The following SPAG9 variants were observed in gnomAD, a reference collection of about 807,000 sequenced individuals.
SPAG9 encodes C-Jun-amino-terminal kinase-interacting protein 4.
A neutral mutation model predicts 166.5 loss-of-function variants in SPAG9; 35 were observed. The observed-to-expected ratio is 0.21, with a 90% confidence interval of 0.16 to 0.28. The LOEUF (loss-of-function observed/expected upper bound fraction) is 0.28, where lower values mean the gene tolerates loss of function less well. Ranked by LOEUF, SPAG9 falls within the 10% of genes least tolerant of loss-of-function variation. SPAG9 has a pLI of 1.00. For missense variants in SPAG9, 1,235 were observed against 1,603.3 expected, an observed-to-expected ratio of 0.77 and a Z score of 3.92; for synonymous variants, 534 against 565.5, an observed-to-expected ratio of 0.94 and a Z score of 0.79.
intron 2 of SPAG9, among the ~76,000 whole-genome samples, chr17:51,061,612 C>CAAAAAAAAAAAAAA (rs34010166): frequency 3.2e-5 from 1 of 31,726 alleles, no homozygotes; most frequent in African/African-American, 1.0e-4. Context: ...GCTCTGTCTC[C>CAAAAAAAAAAAAAA]AAAAAAAAAA....
At chr17:50,999,837 C>A in intron 13 of SPAG9, 120 bp from the exon 14 acceptor site, 1 of 719,068 alleles carries the variant, frequency 1.4e-6, no homozygotes, top group Non-Finnish European at 2.3e-6. Context: ...CAATTAAGTT[C>A]AATAAATACT....
chr17:51,103,854 C>G (rs1366987506), intron 1 of SPAG9, among the ~76,000 whole-genome samples: 7 of 152,148 alleles, frequency 4.6e-5, no homozygotes. Flanking sequence ...GTCCATTCAT[C>G]TATTCAGAAA....
chr17:51,058,981 A>C lies in SPAG9; in HGVS notation c.425-2499T>G, dbSNP rs535346913. Among the ~76,000 whole-genome samples the C allele has an allele frequency of 3.3e-5, 5 of 152,366 alleles. No homozygotes were observed. In the South Asian group the frequency reaches 1.0e-3, roughly 32 times the overall value. On this transcript the variant is annotated intron_variant, in intron 2 of 29. Coordinates refer to ENST00000262013, the MANE Select transcript of SPAG9 (RefSeq NM_001130528.3). ...AAGGTATTTAAAACAATGTTCAAAG[A>C]AGCACAATCTGAAAACAATCCAACT...
At chr17:51,115,578 C>T (rs996291472) in intron 1 of SPAG9, among the ~76,000 whole-genome samples, 1 of 152,036 alleles carries the variant, frequency 6.6e-6, no homozygotes, top group Admixed American at 6.6e-5. Context: ...CAGTGGCAAT[C>T]CCAGCACTTT....
intron 27 of SPAG9, chr17:50,975,155 G>A (rs1468315472): frequency 2.0e-6 from 1 of 488,730 alleles, no homozygotes; most frequent in Non-Finnish European, 3.5e-6. Flanking sequence ...ATGGAGTAGG[G>A]GATTTTGCCA....
intron 29 of SPAG9, among the ~76,000 whole-genome samples, chr17:50,968,880 T>C (rs1161285005): frequency 6.6e-6 from 1 of 152,180 alleles, no homozygotes; most frequent in Non-Finnish European, 1.5e-5. Flanking sequence ...TAAGCTCTAA[T>C]GATCTTTAAA....
chr17:51,105,623 C>A (rs1267456381), intron 1 of SPAG9, among the ~76,000 whole-genome samples: 1 of 152,076 alleles, frequency 6.6e-6, no homozygotes, highest in East Asian at 1.9e-4. Flanking sequence ...GTAATCCCAG[C>A]ACTTTGGGAG....
At chr17:50,980,699 C>A (rs985437324) in intron 25 of SPAG9, among the ~76,000 whole-genome samples, 2 of 151,942 alleles carry the variant, frequency 1.3e-5, no homozygotes, top group African/African-American at 4.8e-5. Flanking sequence ...GACATCCCAA[C>A]TCTAAATACA....
intron 13 of SPAG9, among the ~76,000 whole-genome samples, chr17:51,001,209 GA>G (rs1340384002): frequency 6.6e-6 from 1 of 152,154 alleles, no homozygotes; most frequent in African/African-American, 2.4e-5. Context: ...CTAAATTAAA[GA>G]AACACTATTA....
intron 1 of SPAG9, among the ~76,000 whole-genome samples, chr17:51,093,069 T>TA (rs533198690): frequency 3.8e-3 from 388 of 101,100 alleles, no homozygotes; most frequent in Middle Eastern, 7.6e-3. Flanking sequence ...GATATTTCTG[T>TA]AAAAAAAAAA....
rs144946859 is a variant in SPAG9 at position 51,014,623 on chromosome 17, G to A, written c.1092-270C>T. 67 of 292,782 alleles carry A rather than the reference G, an allele frequency of 2.3e-4. No homozygotes were observed. In the East Asian group the frequency reaches 4.0e-3, roughly 17 times the overall value. 18.1% of individuals were successfully genotyped at this position (292,782 alleles called of 1,614,324 possible). Reference sequence around the variant, plus strand: ...ATGGCAGCTCCTCTGCTCTATACCAGGTGCTGGTCTCAGTGCTTCCCATAG... The same window carrying A: ...ATGGCAGCTCCTCTGCTCTATACCAAGTGCTGGTCTCAGTGCTTCCCATAG... On this transcript the variant is annotated intron_variant, in intron 8 of 29. Transcript: ENST00000262013.
intron 1 of SPAG9, among the ~76,000 whole-genome samples, chr17:51,107,670 G>A (rs1039001491): frequency 1.3e-5 from 2 of 151,594 alleles, no homozygotes; most frequent in Admixed American, 6.6e-5. Context: ...CCGGGAGGTG[G>A]AGGTTGCAGT....
In SPAG9 at chr17:50,985,784, AG is replaced by A. The variant is rs1975004213; in HGVS notation, c.2940-7del. Reference sequence around the variant, plus strand: ...CAGATGAATGGACATACAAACTGTAAGAACAAAGTCAACACTGGTAAGGCAT... The same window carrying A: ...CAGATGAATGGACATACAAACTGTAAAACAAAGTCAACACTGGTAAGGCAT... On this transcript the variant is annotated splice_region_variant and splice_polypyrimidine_tract_variant and intron_variant, in intron 22 of 29. Transcript: ENST00000262013. 6.4e-7 allele frequency: 1 copy of A among 1,570,512 alleles called. No homozygotes were observed. Among genetic ancestry groups the A allele is most frequent in the Middle Eastern group, 1.7e-4 (1 of 5,984 alleles).
At chr17:51,016,207 T>A (rs1271552584) in intron 8 of SPAG9, 3 of 150,962 alleles carry the variant, frequency 2.0e-5, no homozygotes, top group Non-Finnish European at 4.4e-5. Flanking sequence ...TTCATAGTGC[T>A]CAAAAAAAAA....
At chr17:50,975,199 A>C in intron 27 of SPAG9, 1 of 376,872 alleles carries the variant, frequency 2.7e-6, no homozygotes, top group Non-Finnish European at 4.7e-6. Context: ...TTTTAAACAC[A>C]TCTATTCATT....
At position 50,963,949 on chromosome 17, in the gene SPAG9, G is replaced by A. The variant is rs1403568831; in HGVS notation, c.*2323C>T. On this transcript the variant is annotated 3_prime_UTR_variant, in exon 30 of 30. Coordinates refer to ENST00000262013, the MANE Select transcript of SPAG9 (RefSeq NM_001130528.3). ...AGCAAAAAATTATTCTTTTAATACAGCTTTTACCAAAACAGTTTTAATACA... is the reference window on the plus strand; with the variant it reads ...AGCAAAAAATTATTCTTTTAATACAACTTTTACCAAAACAGTTTTAATACA... 1.3e-5 allele frequency: 2 copies of A among 152,166 alleles called. No homozygotes were observed. The highest frequency in any genetic ancestry group is 2.9e-5 in the Non-Finnish European group (2 of 68,028). The allele number at this position is 152,166 out of a possible 1,614,324, so 9.4% of individuals were successfully genotyped here. A position where few individuals can be genotyped will look rare whatever the true frequency, so the allele number is the denominator to read the frequency against.
chr17:50,994,924 A>T, intron 18 of SPAG9, 133 bp downstream of exon 18: 1 of 615,292 alleles, frequency 1.6e-6, no homozygotes, highest in Non-Finnish European at 2.8e-6. Context: ...AATTGATTTT[A>T]AAAGGGTGCT....
At chr17:51,059,657 C>A (rs2047449892) in intron 2 of SPAG9, among the ~76,000 whole-genome samples, 1 of 152,064 alleles carries the variant, frequency 6.6e-6, no homozygotes, top group African/African-American at 2.4e-5. Flanking sequence ...GAGGCTGAGG[C>A]AGGAGAATCG....
chr17:51,120,783 T>A lies in SPAG9; in HGVS notation c.-127A>T. 1.4e-6 allele frequency: 1 copy of A among 731,186 alleles called. No individual in the cohort carries two copies. The highest frequency in any genetic ancestry group is 2.0e-6 in the Non-Finnish European group (1 of 505,278). 45.3% of individuals were successfully genotyped at this position (731,186 alleles called of 1,614,324 possible). A position where few individuals can be genotyped will look rare whatever the true frequency, so the allele number is the denominator to read the frequency against. ...CTGGAGCCCGGGCCGGGGCTGGGGC[T>A]GGGCCCGGCGGGGTGGGGGCCGGGG... On this transcript the variant is annotated 5_prime_UTR_variant, in exon 1 of 30. Coordinates refer to ENST00000262013, the MANE Select transcript of SPAG9 (RefSeq NM_001130528.3). The surrounding 1 kb of genome is among the most constrained non-coding windows in gnomAD (Gnocchi z 4.7).
Sources: gnomAD v4.1 joint callset for allele counts (sites outside exome capture counted in the v4.1 genomes callset) on GRCh38, gnomAD v4.1.1 for gene constraint, Gnocchi (gnomAD v3.1) non-coding constraint, MANE v1.5 for transcripts, NCBI Gene and HGNC (gene_info 2026-07-23, HGNC 2026-07-21) for gene names.